Variants in SCART1 observed in about 807,000 individuals in gnomAD.
The protein encoded by SCART1 is scavenger receptor family member expressed on T cells 1, also known as scavenger receptor cysteine-rich domain-containing protein SCART1.
Under a neutral mutation model 36.2 loss-of-function variants are expected in SCART1, and 62 were observed. The observed-to-expected ratio is 1.71, with a 90% CI of 1.40 to 2.12. SCART1 has a LOEUF of 2.12. SCART1 is among the 30% of genes most tolerant of loss of function. The probability of loss-of-function intolerance (pLI) is 0.00; values close to 1 mark genes in which losing one functional copy is unlikely to be tolerated. For missense variants in SCART1, 1,041 were observed against 540.5 expected, an observed-to-expected ratio of 1.93 and a Z score of -9.18; for synonymous variants, 487 against 238.7, an observed-to-expected ratio of 2.04 and a Z score of -9.59.
At chr10:133,454,330 G>A (rs1293749795) in intron 1 of SCART1, among the ~76,000 whole-genome samples, 1 of 152,156 alleles carries the variant, frequency 6.6e-6, no homozygotes, top group African/African-American at 2.4e-5. Flanking sequence ...TGAGGGACAC[G>A]GCCCAGTGTC....
exon 4 of SCART1, chr10:133,458,464 C>G (rs1444564923): frequency 1.6e-5 from 11 of 694,910 alleles, no homozygotes; most frequent in Non-Finnish European, 2.6e-5. Flanking sequence ...GGCCACGGCC[C>G]ACGTGGTGTG....
At chr10:133,458,440 G>A in exon 4 of SCART1, 1 of 700,404 alleles carries the variant, frequency 1.4e-6, no homozygotes, top group South Asian at 1.5e-5. Context: ...CGTCTGTGAT[G>A]CGGCCCTGGA....
downstream of SCART1, among the ~76,000 whole-genome samples, chr10:133,469,504 A>G (rs1196141595): frequency 3.3e-5 from 5 of 152,172 alleles, no homozygotes; most frequent in African/African-American, 1.2e-4. Context: ...CAGAAAACCA[A>G]ACACTGCATG....
exon 4 of SCART1, chr10:133,458,533 G>A: frequency 1.5e-6 from 1 of 675,376 alleles, no homozygotes; most frequent in Non-Finnish European, 2.7e-6. Context: ...CTTCGGCCGG[G>A]GCTCGGGGCC....
chr10:133,460,336 G>C (rs989255760), intron 6 of SCART1, among the ~76,000 whole-genome samples, 166 bp downstream of exon 6: 1 of 151,856 alleles, frequency 6.6e-6, no homozygotes, highest in South Asian at 2.1e-4. Context: ...AAGTGCTACC[G>C]GACAAAGTAC....
intron 3 of SCART1, chr10:133,458,060 C>T (rs1850641849): frequency 3.2e-6 from 2 of 615,418 alleles, no homozygotes; most frequent in South Asian, 3.5e-5. Context: ...CTGACCTCGC[C>T]TCTGGGATTG....
chr10:133,458,109 C>T (rs766822191), intron 3 of SCART1: 46 of 683,752 alleles, frequency 6.7e-5, no homozygotes, highest in Non-Finnish European at 1.1e-4. Context: ...CAGGCAGAGG[C>T]TGTGAAATAC....
exon 6 of SCART1, chr10:133,459,719 C>T (rs765296457): frequency 4.3e-6 from 3 of 700,212 alleles, no homozygotes; most frequent in Middle Eastern, 2.3e-4. Flanking sequence ...GTCTGGGCAC[C>T]GAAACCCGCC....
exon 3 of SCART1, chr10:133,457,367 C>A: frequency 1.4e-6 from 1 of 701,660 alleles, no homozygotes; most frequent in Admixed American, 2.0e-5. Flanking sequence ...GGGTGGACCG[C>A]CTCTGTGTCC....
chr10:133,458,523 C>T, exon 4 of SCART1: 1 of 675,216 alleles, frequency 1.5e-6, no homozygotes. Context: ...AGGGCGCCCG[C>T]TTCGGCCGGG....
rs149971473 is a variant in SCART1 at position 133,460,340 on chromosome 10, A to G, written c.1969+170A>G. The stretch of plus-strand genomic sequence containing the variant: ...GTTGGTATAGTAAGTGCTACCGGAC[A>G]AAGTACTTTGGTTCCGTGCACCTGG... On this transcript the variant is annotated intron_variant, in intron 6 of 11. Coordinates refer to ENST00000640237, the Ensembl canonical transcript of SCART1. Among the ~76,000 whole-genome samples the G allele has an allele frequency of 7.0e-3, 1,066 of 151,886 alleles. 12 individuals are homozygous for G. Among genetic ancestry groups the G allele is most frequent in the African/African-American group, 0.024 (1,004 of 41,364 alleles).
At chr10:133,465,530 G>T (rs1043834419) in exon 9 of SCART1, 6 of 528,290 alleles carry the variant, frequency 1.1e-5, no homozygotes, top group African/African-American at 2.0e-5. Flanking sequence ...CGCGGAGACC[G>T]CGCGCACGAG....
chr10:133,467,080 A>G lies in SCART1; in HGVS notation c.2807-118A>G, dbSNP rs1589937680. 4 of 574,050 alleles carry G rather than the reference A, an allele frequency of 7.0e-6. No homozygotes were observed. The East Asian group carries it at 1.2e-4, about 17-fold the overall frequency. 35.6% of individuals were successfully genotyped at this position (574,050 alleles called of 1,614,324 possible). A position where few individuals can be genotyped will look rare whatever the true frequency, so the allele number is the denominator to read the frequency against. ...TGCCGTGGTCCCTCCATCCCAGCCC[A>G]CAGCATCCTGCCTCTTTGCTGCCTG... On this transcript the variant is annotated intron_variant, in intron 10 of 11. Transcript: ENST00000640237.
Position 133,459,850 on chromosome 10 carries a change from C to T in SCART1, c.1649C>T (p.Pro550Leu), listed in dbSNP as rs549230355. Residue 550 changes from proline to leucine, a missense_variant, in exon 6 of 12, where the codon CCG (proline) becomes CTG (leucine). Physicochemically the swap from Pro to Leu is moderately conservative, Grantham distance 98 (BLOSUM62 -3). Coordinates refer to ENST00000640237, the Ensembl canonical transcript of SCART1. ...CCCATGGCCCGTCGCCACGGGATCCCGGGCGCCCTGACTCTGTCTCTCCAC... is the reference window on the plus strand; with the variant it reads ...CCCATGGCCCGTCGCCACGGGATCCTGGGCGCCCTGACTCTGTCTCTCCAC... The T allele has an allele frequency of 1.4e-5, 8 of 564,712 alleles. No individual in the cohort carries two copies. In the East Asian group the frequency reaches 2.3e-4, roughly 16 times the overall value. The allele number at this position is 564,712 out of a possible 1,614,324, so 35.0% of individuals were successfully genotyped here.
At chr10:133,465,010 A>G (rs1254345480) in intron 7 of SCART1, 96 bp from the exon 8 acceptor site, 2 of 700,022 alleles carry the variant, frequency 2.9e-6, no homozygotes, top group Admixed American at 4.0e-5. Flanking sequence ...ATGCCATTCA[A>G]TCAGAGCCTG....
At chr10:133,461,248 C>T (rs369593653) in intron 6 of SCART1, among the ~76,000 whole-genome samples, 13 of 151,596 alleles carry the variant, frequency 8.6e-5, no homozygotes, top group Non-Finnish European at 1.8e-4. Context: ...GAGCGGGTCA[C>T]GGGCTGCCCA....
In SCART1 at chr10:133,459,178, A is replaced by G. The variant is rs868162637; in HGVS notation, c.1137A>G (p.Gly379=). 8.5e-6 allele frequency: 6 copies of G among 702,898 alleles called. 1 individual carries two copies. The Middle Eastern group carries it at 1.4e-3, about 161-fold the overall frequency. The allele number at this position is 702,898 out of a possible 1,614,324, so 43.5% of individuals were successfully genotyped here. The change falls in exon 5 of 12, where the codon GGA becomes GGG. Residue 379 remains glycine, a synonymous_variant. Transcript: ENST00000640237. ...GTGGCAACGCGGTGGCCGCACCTGG[A>G]GGAGGCCATTTTGGGGACGGGGACG...
chr10:133,467,079 C>G, intron 10 of SCART1, 119 bp from the exon 11 acceptor site: 1 of 573,298 alleles, frequency 1.7e-6, no homozygotes, highest in South Asian at 2.2e-5. Flanking sequence ...CATCCCAGCC[C>G]ACAGCATCCT....
chr10:133,458,871 G>A, intron 4 of SCART1, 150 bp from the exon 5 acceptor site: 1 of 633,734 alleles, frequency 1.6e-6, no homozygotes, highest in East Asian at 2.7e-5. Flanking sequence ...GTGTGAGCTG[G>A]ATGCTGATGC....
Sources: allele counts gnomAD v4.1 joint callset (sites outside exome capture counted in the v4.1 genomes callset), GRCh38; gene constraint gnomAD v4.1.1; transcripts MANE v1.5; gene names NCBI Gene and HGNC (gene_info 2026-07-23, HGNC 2026-07-21).